The following EXOC6B variants were observed in gnomAD, a reference collection of about 807,000 sequenced individuals.
The protein encoded by EXOC6B is SEC15 homolog B.
EXOC6B carries 54 observed loss-of-function variants against 113.5 expected under a neutral mutation model. That is an observed-to-expected ratio of 0.48 (90% CI 0.38 to 0.60). The LOEUF (loss-of-function observed/expected upper bound fraction) is 0.60. Among genes scored for constraint, EXOC6B ranks in the 20% least tolerant of loss-of-function variants. The probability of loss-of-function intolerance (pLI) is 0.00; values close to 1 mark genes in which losing one functional copy is unlikely to be tolerated. For missense variants in EXOC6B, 797 were observed against 977.5 expected (o/e 0.82, Z 2.46); for synonymous variants, 357 against 339.0 (o/e 1.05, Z -0.58).
chr2:72,517,264 C>T (rs1701260752), intron 8 of EXOC6B, among the ~76,000 whole-genome samples: 1 of 152,076 alleles, frequency 6.6e-6, no homozygotes, highest in Non-Finnish European at 1.5e-5. Context: ...CAGTTTTCAC[C>T]TTTCATTAAA....
intron 19 of EXOC6B, among the ~76,000 whole-genome samples, chr2:72,342,291 A>G (rs1276231048): frequency 6.6e-6 from 1 of 152,148 alleles, no homozygotes; most frequent in Non-Finnish European, 1.5e-5. Context: ...GAGACTAGAA[A>G]AAAATAGAAA....
intron 7 of EXOC6B, among the ~76,000 whole-genome samples, chr2:72,572,668 A>G (rs1704588973): frequency 6.6e-6 from 1 of 152,212 alleles, no homozygotes; most frequent in Non-Finnish European, 1.5e-5. Context: ...AAGAATGACA[A>G]GAATGAAGGT....
rs201048332 is a variant in EXOC6B, at chr2:72,410,831, GA to G, written c.1981-30962del. On this transcript the variant is annotated intron_variant, in intron 18 of 21. Transcript: ENST00000272427. ...ATACACATATAGGTAACACTACTAA[GA>G]AAAAAAAATAACCATTGGGAGAGAA... 2.7e-3 allele frequency among the ~76,000 whole-genome samples: 406 copies of G among 151,200 alleles called. 1 individual carries two copies. Among genetic ancestry groups the G allele is most frequent in the African/African-American group, 9.1e-3 (378 of 41,316 alleles).
chr2:72,815,160 C>T (rs1686155877), intron 1 of EXOC6B, among the ~76,000 whole-genome samples: 1 of 151,932 alleles, frequency 6.6e-6, no homozygotes, highest in African/African-American at 2.4e-5. Flanking sequence ...ATATAACCAT[C>T]AAAGGTTTTT....
intron 20 of EXOC6B, among the ~76,000 whole-genome samples, chr2:72,197,585 T>A (rs992285692): frequency 6.6e-6 from 1 of 151,432 alleles, no homozygotes; most frequent in African/African-American, 2.4e-5. Flanking sequence ...CAAGATGGAC[T>A]AGAGGAGAAA....
intron 6 of EXOC6B, among the ~76,000 whole-genome samples, chr2:72,629,480 A>T (rs1392522707): frequency 2.0e-5 from 3 of 152,202 alleles, no homozygotes; most frequent in African/African-American, 7.2e-5. Context: ...ATCCCTCAGA[A>T]TCTTGTTTCT....
intron 20 of EXOC6B, among the ~76,000 whole-genome samples, chr2:72,190,694 T>A (rs1678771386): frequency 6.6e-6 from 1 of 152,196 alleles, no homozygotes; most frequent in Non-Finnish European, 1.5e-5. Context: ...TCTTGAAGGG[T>A]AGCACATCAC....
intron 19 of EXOC6B, among the ~76,000 whole-genome samples, chr2:72,379,465 G>C (rs1424124185): frequency 6.6e-6 from 1 of 152,078 alleles, no homozygotes; most frequent in Non-Finnish European, 1.5e-5. Context: ...TTAAATGCAC[G>C]CCTCCCTTAT....
chr2:72,407,146 A>T (rs1214308591), intron 18 of EXOC6B, among the ~76,000 whole-genome samples: 8 of 151,980 alleles, frequency 5.3e-5, no homozygotes, highest in African/African-American at 1.7e-4. Context: ...ACACATACAC[A>T]CTCCCAAGAC....
intron 20 of EXOC6B, among the ~76,000 whole-genome samples, chr2:72,203,017 T>G (rs1372067652): frequency 2.0e-5 from 3 of 152,238 alleles, no homozygotes; most frequent in Non-Finnish European, 4.4e-5. Flanking sequence ...TTGGGCAAAT[T>G]ACTAACCTCT....
At chr2:72,819,256 TAAG>T (rs918427862) in intron 1 of EXOC6B, among the ~76,000 whole-genome samples, 2 of 152,166 alleles carry the variant, frequency 1.3e-5, no homozygotes, top group Non-Finnish European at 2.9e-5. Context: ...ATAAAAAAGT[TAAG>T]AGGAAATATA....
intron 1 of EXOC6B, among the ~76,000 whole-genome samples, chr2:72,763,452 G>C (rs1682863967): frequency 5.3e-5 from 8 of 149,598 alleles, no homozygotes; most frequent in Admixed American, 5.3e-4. Context: ...TCTTTTGACA[G>C]GGTCTTACTC....
intron 20 of EXOC6B, among the ~76,000 whole-genome samples, chr2:72,288,477 A>G (rs1348136636): frequency 6.6e-6 from 1 of 152,146 alleles, no homozygotes; most frequent in Non-Finnish European, 1.5e-5. Flanking sequence ...AGAGATCAAT[A>G]TAACAAAGTA....
At chr2:72,816,953 C>A (rs559672157) in intron 1 of EXOC6B, among the ~76,000 whole-genome samples, 1 of 152,262 alleles carries the variant, frequency 6.6e-6, no homozygotes, top group African/African-American at 2.4e-5. Context: ...GTCTTATTAG[C>A]CACAGATTCT....
chr2:72,211,359 A>T (rs12466026), intron 20 of EXOC6B, among the ~76,000 whole-genome samples: 18,080 of 152,202 alleles, frequency 0.12, 1,339 homozygotes, highest in Admixed American at 0.16. Context: ...CTGAGGTGAG[A>T]AAATGGGCCC....
At chr2:72,453,206 TAAGTAAA>T (rs1697012220) in intron 18 of EXOC6B, among the ~76,000 whole-genome samples, 1 of 152,076 alleles carries the variant, frequency 6.6e-6, no homozygotes, top group Admixed American at 6.6e-5. Context: ...GTAAAAAGAT[TAAGTAAA>T]AAGTAAAAAG....
chr2:72,317,338 C>G (rs1572903533), intron 20 of EXOC6B, among the ~76,000 whole-genome samples: 2 of 152,112 alleles, frequency 1.3e-5, no homozygotes, highest in East Asian at 1.9e-4. Context: ...CGATACCTCC[C>G]TCTAACTAAA....
At chr2:72,785,860 G>T (rs187708337) in intron 1 of EXOC6B, among the ~76,000 whole-genome samples, 1 of 152,182 alleles carries the variant, frequency 6.6e-6, no homozygotes, top group African/African-American at 2.4e-5. Flanking sequence ...CCCAGAAAAC[G>T]GGTTTTTCTT....
chr2:72,259,213 G>A (rs6740982), intron 20 of EXOC6B, among the ~76,000 whole-genome samples: 29,488 of 151,912 alleles, frequency 0.19, 4,421 homozygotes, highest in African/African-American at 0.42. Context: ...TTTTTTTCCC[G>A]CCTAGATTAG....
Sources: gnomAD v4.1 joint callset for allele counts (sites outside exome capture counted in the v4.1 genomes callset) on GRCh38, gnomAD v4.1.1 for gene constraint, MANE v1.5 for transcripts, NCBI Gene and HGNC (gene_info 2026-07-23, HGNC 2026-07-21) for gene names.